SHANK2: variants seen among roughly 807,000 people sequenced by gnomAD.
SHANK2 encodes SH3 and multiple ankyrin repeat domains protein 2.
SHANK2 carries 43 observed loss-of-function variants against 133.7 expected under a neutral mutation model. That is an observed-to-expected ratio of 0.32 (90% CI 0.25 to 0.41). SHANK2 has a LOEUF of 0.41. Ranked by LOEUF, SHANK2 falls within the 10% of genes least tolerant of loss-of-function variation. SHANK2 has a pLI of 1.00. For synonymous variants in SHANK2, 1,017 were observed against 952.8 expected (o/e 1.07, Z -1.24); for missense variants, 1,994 against 2,235.8 (o/e 0.89, Z 2.18).
At chr11:71,100,228 C>T (rs1486076156) in intron 6 of SHANK2, among the ~76,000 whole-genome samples, 14 of 152,146 alleles carry the variant, frequency 9.2e-5, no homozygotes, top group Admixed American at 6.5e-5. Flanking sequence ...AAACTAAAAA[C>T]GCACTTACTC....
At chr11:70,793,192 G>A (rs1947832703) in intron 14 of SHANK2, among the ~76,000 whole-genome samples, 1 of 152,210 alleles carries the variant, frequency 6.6e-6, no homozygotes, top group Non-Finnish European at 1.5e-5. Context: ...TGAACTGCAT[G>A]GGTCAACTTA....
intron 14 of SHANK2, among the ~76,000 whole-genome samples, chr11:70,711,839 G>A (rs1555026208): frequency 3.3e-5 from 5 of 152,206 alleles, no homozygotes; most frequent in Non-Finnish European, 7.3e-5. Flanking sequence ...CTGGGCTCCC[G>A]GGACTGACCT....
chr11:70,851,950 A>G (rs1949092954), intron 11 of SHANK2, among the ~76,000 whole-genome samples: 2 of 152,202 alleles, frequency 1.3e-5, no homozygotes, highest in African/African-American at 2.4e-5. Context: ...ATTAATAAGA[A>G]TCACTGCCCC....
intron 17 of SHANK2, among the ~76,000 whole-genome samples, chr11:70,629,182 C>T (rs1201169445): frequency 6.6e-6 from 1 of 152,116 alleles, no homozygotes; most frequent in East Asian, 1.9e-4. Flanking sequence ...ACCGGAAGAG[C>T]CTGGCCCCTC....
At chr11:71,230,222 A>T (rs3020026) in intron 1 of SHANK2, among the ~76,000 whole-genome samples, 1 of 151,928 alleles carries the variant, frequency 6.6e-6, no homozygotes, top group African/African-American at 2.4e-5. Context: ...CCTGGGAAGC[A>T]GAGGTTGCAG....
intron 22 of SHANK2, 31 bp downstream of exon 22, chr11:70,492,304 G>A (rs774221629): frequency 3.1e-6 from 5 of 1,605,614 alleles, no homozygotes; most frequent in East Asian, 2.2e-5. Context: ...GTCGGCCCCC[G>A]CCCTCGTGGT....
intron 14 of SHANK2, among the ~76,000 whole-genome samples, chr11:70,752,687 CAG>C (rs1334486527): frequency 8.0e-6 from 1 of 124,336 alleles, no homozygotes; most frequent in African/African-American, 3.3e-5. Context: ...GCCTGGGTGA[CAG>C]AGCGAGACTC....
At chr11:70,849,490 GGA>G (rs2135461084) in intron 11 of SHANK2, among the ~76,000 whole-genome samples, 1 of 152,300 alleles carries the variant, frequency 6.6e-6, no homozygotes, top group Admixed American at 6.5e-5. Context: ...GGCTAGTGTA[GGA>G]AGTGGGTGCC....
intron 15 of SHANK2, among the ~76,000 whole-genome samples, chr11:70,688,804 C>T (rs896226625): frequency 3.3e-5 from 5 of 152,138 alleles, no homozygotes; most frequent in East Asian, 3.9e-4. Context: ...TTTCATGACT[C>T]GGCAGGGACA....
chr11:71,220,060 A>ATG (rs1954504600), intron 2 of SHANK2, among the ~76,000 whole-genome samples: 6 of 151,896 alleles, frequency 4.0e-5, no homozygotes, highest in Non-Finnish European at 4.4e-5. Flanking sequence ...CCCCCCACCC[A>ATG]TCTCTACAAA....
At chr11:70,746,423 GCCC>G (rs1352254719) in intron 14 of SHANK2, among the ~76,000 whole-genome samples, 1 of 147,336 alleles carries the variant, frequency 6.8e-6, no homozygotes, top group Non-Finnish European at 1.5e-5. Flanking sequence ...CATGCTCACA[GCCC>G]CCATCTCCTC....
At chr11:71,171,057 A>C (rs111902082) in intron 2 of SHANK2, among the ~76,000 whole-genome samples, 4 of 152,212 alleles carry the variant, frequency 2.6e-5, no homozygotes, top group African/African-American at 9.6e-5. Context: ...TAGACGGCCA[A>C]CTTCTAGCTG....
At chr11:70,695,821 CTT>C (rs1272542518) in intron 15 of SHANK2, among the ~76,000 whole-genome samples, 2 of 152,218 alleles carry the variant, frequency 1.3e-5, no homozygotes, top group Non-Finnish European at 2.9e-5. Flanking sequence ...TGTTGTGACT[CTT>C]GTTTCTTTCA....
At chr11:70,835,096 T>C (rs937607987) in intron 11 of SHANK2, among the ~76,000 whole-genome samples, 3 of 152,128 alleles carry the variant, frequency 2.0e-5, no homozygotes, top group Admixed American at 2.0e-4. Flanking sequence ...CCTCCAGACA[T>C]TGCCTCCTCT....
chr11:70,905,457 G>C (rs1410595465), intron 10 of SHANK2, among the ~76,000 whole-genome samples: 2 of 152,150 alleles, frequency 1.3e-5, no homozygotes, highest in Non-Finnish European at 2.9e-5. Context: ...CTCTCCCTGA[G>C]CCCAGTGGCC....
chr11:70,737,729 G>A (rs1555033892), intron 14 of SHANK2, among the ~76,000 whole-genome samples: 1 of 152,200 alleles, frequency 6.6e-6, no homozygotes, highest in African/African-American at 2.4e-5. Flanking sequence ...ATGCGAGGGT[G>A]GTGCTCCTCC....
At chr11:70,815,552 C>T (rs1282383508) in intron 12 of SHANK2, among the ~76,000 whole-genome samples, 2 of 152,220 alleles carry the variant, frequency 1.3e-5, no homozygotes, top group Admixed American at 6.5e-5. Context: ...CACTGCAACA[C>T]CAGCTCCCAG....
In SHANK2 at chr11:70,485,883, G is replaced by A. The variant is rs1555153140; in HGVS notation, c.4410C>T (p.Asn1470=). 6.2e-7 allele frequency: 1 copy of A among 1,614,170 alleles called. No individual in the cohort carries two copies. The highest frequency in any genetic ancestry group is 1.1e-5 in the South Asian group (1 of 91,072). ...GTGGCAGGAATGAGGCAGGCAGACA[G>A]TTTGAAAGACTGGCTGGCTTCTTGC... ...ADSKKPASLS[N]CLPASFLPPP... Residue 1470 remains asparagine, a synonymous_variant, in exon 25 of 26, where the codon AAC becomes AAT. Coordinates refer to ENST00000601538, the MANE Select transcript of SHANK2 (RefSeq NM_012309.5). This position sits in a 1 kb window ranked among gnomAD's most constrained non-coding sequence, Gnocchi z 5.8.
intron 17 of SHANK2, among the ~76,000 whole-genome samples, chr11:70,645,062 A>G (rs540158545): frequency 6.6e-6 from 1 of 152,176 alleles, no homozygotes; most frequent in South Asian, 2.1e-4. Context: ...TCTTTACTAA[A>G]ACTACAAAAA....
Sources: gnomAD v4.1 joint callset for allele counts (sites outside exome capture counted in the v4.1 genomes callset) on GRCh38, gnomAD v4.1.1 for gene constraint, Gnocchi (gnomAD v3.1) non-coding constraint, MANE v1.5 for transcripts, NCBI Gene and HGNC (gene_info 2026-07-23, HGNC 2026-07-21) for gene names.